The following TMEM232 variants were observed in gnomAD, a reference collection of about 807,000 sequenced individuals.
TMEM232 encodes the protein transmembrane protein 232.
TMEM232 carries 80 observed loss-of-function variants against 78.8 expected under a neutral mutation model. That is an observed-to-expected ratio of 1.01 (90% CI 0.85 to 1.22). The LOEUF is 1.22. Ranked by LOEUF, TMEM232 falls within the 50% of genes most tolerant of loss-of-function variation. TMEM232 has a pLI of 0.00. For missense variants in TMEM232, 881 were observed against 742.2 expected (o/e 1.19, Z -2.17); for synonymous variants, 297 against 254.3 (o/e 1.17, Z -1.60).
At chr5:110,607,794 T>C (rs1342063634) in intron 8 of TMEM232, among the ~76,000 whole-genome samples, 2 of 151,910 alleles carry the variant, frequency 1.3e-5, no homozygotes, top group Non-Finnish European at 2.9e-5. Flanking sequence ...ATAACAGGTG[T>C]TATTTTTCTC....
At chr5:110,523,734 C>G (rs903826648) in intron 12 of TMEM232, among the ~76,000 whole-genome samples, 1 of 151,954 alleles carries the variant, frequency 6.6e-6, no homozygotes, top group African/African-American at 2.4e-5. Flanking sequence ...AGGAGAACTG[C>G]TTGAGCCCAG....
rs781163568 is a variant in TMEM232 at position 110,605,203 on chromosome 5, AT to A, written c.1181del (p.Asn394IlefsTer13). ...GTACTGATTTGTCCAAGTATAAAATATTTTTTTGTGAACTTTTACAGTGACA... is the reference window on the plus strand; with the variant it reads ...GTACTGATTTGTCCAAGTATAAAATATTTTTTGTGAACTTTTACAGTGACA... ...GFCHCKSSQK[N>X]ILYLDKSVPP... On this transcript the variant is annotated frameshift_variant, in exon 10 of 14. Coordinates refer to ENST00000455884, the MANE Select transcript of TMEM232 (RefSeq NM_001039763.4). LOFTEE classifies it high-confidence loss of function. 87 of 1,550,908 alleles carry A rather than the reference AT, an allele frequency of 5.6e-5. No individual in the cohort carries two copies. The East Asian group carries it at 1.3e-3, about 23-fold the overall frequency.
chr5:110,705,911 A>G (rs575969757), intron 1 of TMEM232, among the ~76,000 whole-genome samples: 33 of 151,822 alleles, frequency 2.2e-4, no homozygotes, highest in African/African-American at 7.7e-4. Flanking sequence ...CCAAAATAAT[A>G]TATGCTATAT....
chr5:110,419,977 T>C lies in TMEM232; in HGVS notation c.*603A>G, dbSNP rs1262463928. 1 of 152,096 alleles carries C rather than the reference T, an allele frequency of 6.6e-6. No individual in the cohort carries two copies. The highest frequency in any genetic ancestry group is 1.9e-4 in the East Asian group (1 of 5,182). 9.4% of individuals were successfully genotyped at this position (152,096 alleles called of 1,614,324 possible). ...CTCACAGAACAGAGTAAAACCACCA[T>C]CTCTCAGGAATCCCCTCTGGCATCT... is the stretch of plus-strand genomic sequence containing the variant. On this transcript the variant is annotated 3_prime_UTR_variant, in exon 14 of 14. Coordinates refer to ENST00000455884, the MANE Select transcript of TMEM232 (RefSeq NM_001039763.4).
intron 12 of TMEM232, among the ~76,000 whole-genome samples, chr5:110,471,700 A>G (rs919898250): frequency 3.9e-5 from 6 of 152,040 alleles, no homozygotes; most frequent in Non-Finnish European, 7.4e-5. Flanking sequence ...GAGAAAGGAG[A>G]AATAAAATCT....
At chr5:110,500,878 A>G (rs1766192365) in intron 12 of TMEM232, among the ~76,000 whole-genome samples, 1 of 152,204 alleles carries the variant, frequency 6.6e-6, no homozygotes, top group South Asian at 2.1e-4. Flanking sequence ...GTGAAAATGT[A>G]AAGCTTTAGG....
chr5:110,542,491 C>T (rs1773257275), intron 11 of TMEM232, among the ~76,000 whole-genome samples: 1 of 152,086 alleles, frequency 6.6e-6, no homozygotes, highest in Non-Finnish European at 1.5e-5. Flanking sequence ...ACCATCTTAG[C>T]CATCAAGAAG....
Position 110,650,170 on chromosome 5 carries a change from T to C in TMEM232, c.126-7799A>G, listed in dbSNP as rs535570447. Reference sequence around the variant, plus strand: ...TTGTTCATTGTTATGATAACTTTAGTCATAAATTAAAATTTTATATTTATA... The same window carrying C: ...TTGTTCATTGTTATGATAACTTTAGCCATAAATTAAAATTTTATATTTATA... On this transcript the variant is annotated intron_variant, in intron 2 of 13. Coordinates refer to ENST00000455884, the MANE Select transcript of TMEM232 (RefSeq NM_001039763.4). Among the ~76,000 whole-genome samples, 3 of 152,158 alleles carry C rather than the reference T, an allele frequency of 2.0e-5. No individual in the cohort carries two copies. The South Asian group carries it at 6.2e-4, about 31-fold the overall frequency.
At chr5:110,545,961 A>G (rs1773729025) in intron 11 of TMEM232, among the ~76,000 whole-genome samples, 2 of 152,130 alleles carry the variant, frequency 1.3e-5, no homozygotes, top group Non-Finnish European at 2.9e-5. Context: ...ACATCAATTA[A>G]CATTTGTTTA....
At chr5:110,391,144 G>A (rs950303423) in intron 3 of TMEM232, among the ~76,000 whole-genome samples, 3 of 152,134 alleles carry the variant, frequency 2.0e-5, no homozygotes, top group African/African-American at 7.2e-5. Flanking sequence ...TGGCAGGGAT[G>A]GCCTTTTTGC....
intron 2 of TMEM232, among the ~76,000 whole-genome samples, chr5:110,412,883 A>G (rs1756049846): frequency 6.6e-6 from 1 of 152,214 alleles, no homozygotes; most frequent in African/African-American, 2.4e-5. Context: ...AATTTTTTAA[A>G]AAAGTTTTAA....
At chr5:110,483,518 A>G (rs1265930967) in intron 12 of TMEM232, among the ~76,000 whole-genome samples, 1 of 151,706 alleles carries the variant, frequency 6.6e-6, no homozygotes, top group East Asian at 1.9e-4. Flanking sequence ...CAAACACCGC[A>G]TGTTCTCACT....
At chr5:110,401,772 A>G (rs1755610907) in intron 2 of TMEM232, among the ~76,000 whole-genome samples, 1 of 152,126 alleles carries the variant, frequency 6.6e-6, no homozygotes, top group African/African-American at 2.4e-5. Flanking sequence ...TAATAAATAG[A>G]TTATTATACA....
intron 2 of TMEM232, among the ~76,000 whole-genome samples, chr5:110,405,677 T>C (rs532008865): frequency 6.7e-6 from 1 of 149,088 alleles, no homozygotes; most frequent in Non-Finnish European, 1.5e-5. Context: ...AAAAGAAAGA[T>C]TCAATGAACT....
At chr5:110,616,320 A>C (rs1456760391) in intron 8 of TMEM232, among the ~76,000 whole-genome samples, 1 of 152,058 alleles carries the variant, frequency 6.6e-6, no homozygotes, top group Non-Finnish European at 1.5e-5. Context: ...ATAGAGAAAG[A>C]ATAATCTCTT....
Position 110,568,459 on chromosome 5 carries a change from G to C in TMEM232, c.1443C>G (p.Ile481Met), listed in dbSNP as rs1436793718. The C allele has an allele frequency of 6.5e-7, 1 of 1,545,894 alleles. No homozygotes were observed. Among genetic ancestry groups the C allele is most frequent in the African/African-American group, 1.4e-5 (1 of 72,492 alleles). ...TGTTTTACCTTACCTGAGCTATATT[G>C]ATTGCATTTTGGATTCGTACATCTT... Reference protein sequence around the residue: ...YEEDVRIQNAINIAQAELNDP... With the variant: ...YEEDVRIQNAMNIAQAELNDP... The change falls in exon 11 of 14, where the codon ATC (isoleucine) becomes ATG (methionine). Residue 481 changes from isoleucine (I) to methionine (M), a missense_variant. By Grantham distance (10) the Ile-to-Met change is conservative. Transcript: ENST00000455884.
chr5:110,712,560 A>T lies in TMEM232; in HGVS notation c.-13+14067T>A, dbSNP rs1030832430. Among the ~76,000 whole-genome samples the T allele has an allele frequency of 3.3e-5, 5 of 152,196 alleles. No individual in the cohort carries two copies. In the South Asian group the frequency reaches 1.0e-3, roughly 32 times the overall value. ...ACCTTTTACCCTATATACAGTGGTA[A>T]CCACATATTTGCTTTACCTTGTGTA... On this transcript the variant is annotated intron_variant, in intron 1 of 13. Coordinates refer to ENST00000455884, the MANE Select transcript of TMEM232 (RefSeq NM_001039763.4).
At chr5:110,483,098 A>G (rs1420913466) in intron 12 of TMEM232, among the ~76,000 whole-genome samples, 1 of 152,184 alleles carries the variant, frequency 6.6e-6, no homozygotes, top group African/African-American at 2.4e-5. Context: ...ATAAAGCAGT[A>G]ATTATAAATC....
intron 1 of TMEM232, among the ~76,000 whole-genome samples, chr5:110,684,424 T>G (rs565270205): frequency 6.6e-6 from 1 of 152,182 alleles, no homozygotes; most frequent in Non-Finnish European, 1.5e-5. Context: ...GGCTTTTGGC[T>G]CCTGTCTCTA....
Sources: gnomAD v4.1 joint callset for allele counts (sites outside exome capture counted in the v4.1 genomes callset) on GRCh38, gnomAD v4.1.1 for gene constraint, MANE v1.5 for transcripts, NCBI Gene and HGNC (gene_info 2026-07-23, HGNC 2026-07-21) for gene names.